The following COBLL1 variants were observed in gnomAD, a reference collection of about 807,000 sequenced individuals.
COBLL1 encodes the protein cordon-bleu protein-like 1.
A neutral mutation model predicts 94.8 loss-of-function variants in COBLL1; 50 were observed. The observed-to-expected ratio is 0.53, with a 90% CI of 0.42 to 0.67. The LOEUF (loss-of-function observed/expected upper bound fraction) is 0.67. Among genes scored for constraint, COBLL1 ranks in the 30% least tolerant of loss-of-function variants. The pLI is 0.00. For synonymous variants in COBLL1, 448 were observed against 473.8 expected, an observed-to-expected ratio of 0.95 and a Z score of 0.71; for missense variants, 1,362 against 1,348.7, an observed-to-expected ratio of 1.01 and a Z score of -0.15.
intron 2 of COBLL1, among the ~76,000 whole-genome samples, chr2:164,749,027 A>G (rs562448261): frequency 1.3e-5 from 2 of 152,186 alleles, no homozygotes; most frequent in Non-Finnish European, 2.9e-5. Context: ...ATTTTGATTT[A>G]CAGGGCACTC....
intron 12 of COBLL1, among the ~76,000 whole-genome samples, chr2:164,693,846 C>T (rs113966187): frequency 0.011 from 1,715 of 152,102 alleles, 22 homozygotes; most frequent in African/African-American, 0.032. Flanking sequence ...TTTTGTCTAG[C>T]CTCTCATACT....
At chr2:164,797,490 C>G (rs756659497) in intron 2 of COBLL1, among the ~76,000 whole-genome samples, 1 of 151,828 alleles carries the variant, frequency 6.6e-6, no homozygotes, top group African/African-American at 2.4e-5. Context: ...GAAAAAAAAA[C>G]CCTTAGGGTT....
At chr2:164,701,397 G>A (rs1016736281) in intron 9 of COBLL1, among the ~76,000 whole-genome samples, 1 of 152,104 alleles carries the variant, frequency 6.6e-6, no homozygotes, top group Non-Finnish European at 1.5e-5. Flanking sequence ...AGCAAGTATT[G>A]GACAATGAAA....
chr2:164,789,794 CA>C (rs1464140252), intron 2 of COBLL1, among the ~76,000 whole-genome samples: 2 of 152,128 alleles, frequency 1.3e-5, no homozygotes, highest in Admixed American at 1.3e-4. Flanking sequence ...CTTTAACGGA[CA>C]TTTTGAAAAT....
At chr2:164,725,928 G>A (rs146923414) in intron 5 of COBLL1, among the ~76,000 whole-genome samples, 1 of 152,156 alleles carries the variant, frequency 6.6e-6, no homozygotes, top group African/African-American at 2.4e-5. Flanking sequence ...TAATTGCATG[G>A]TAAGTTCTAA....
Position 164,694,308 on chromosome 2 carries a change from A to G in COBLL1, c.3084T>C (p.Asn1028=), listed in dbSNP as rs779660203. The part of the protein sequence containing the change: ...NTEEGKTHSV[N]KFVDIPQLGV... ...CAAGCTGTGGGATGTCCACAAATTT[A>G]TTTACAGAATGAGTCTTCCCTTCCT... Residue 1028 remains asparagine (N), a synonymous_variant, in exon 12 of 14, where the codon AAT becomes AAC. Coordinates refer to ENST00000652658, the MANE Select transcript of COBLL1 (RefSeq NM_001365672.2). 18 of 1,613,850 alleles carry G rather than the reference A, an allele frequency of 1.1e-5. 1 individual carries two copies. In the South Asian group the frequency reaches 2.0e-4, roughly 18 times the overall value.
chr2:164,715,849 A>G (rs1685137102), intron 7 of COBLL1, among the ~76,000 whole-genome samples: 1 of 152,104 alleles, frequency 6.6e-6, no homozygotes, highest in African/African-American at 2.4e-5. Context: ...TCCAGCCACA[A>G]TGTAATATCC....
intron 2 of COBLL1, among the ~76,000 whole-genome samples, chr2:164,811,622 T>C (rs760537678): frequency 1.3e-5 from 2 of 151,908 alleles, no homozygotes; most frequent in African/African-American, 2.4e-5. Flanking sequence ...TATTTTAAAA[T>C]GGTATTCTGA....
chr2:164,780,078 G>A (rs1309574876), intron 2 of COBLL1, among the ~76,000 whole-genome samples: 6 of 152,170 alleles, frequency 3.9e-5, no homozygotes, highest in African/African-American at 7.2e-5. Flanking sequence ...TTTACTAAAT[G>A]TGAGGCAGTC....
rs753557354 is a variant in COBLL1 at position 164,700,754 on chromosome 2, C to T, written c.1228G>A (p.Gly410Arg). The change falls in exon 10 of 14, where the codon GGA (glycine) becomes AGA (arginine). Residue 410 changes from glycine (G) to arginine (R), a missense_variant and splice_region_variant. Transcript: ENST00000652658. Reference protein sequence around the residue: ...NSPEELSSPAGISSDYSLEEI... With the variant: ...NSPEELSSPARISSDYSLEEI... Reference sequence around the variant, plus strand: ...TCAAGGCTATAATCAGAGCTTATTCCAGCTACAAAGAAATGCAGATATAAT... The same window carrying T: ...TCAAGGCTATAATCAGAGCTTATTCTAGCTACAAAGAAATGCAGATATAAT... 3 of 1,570,870 alleles carry T rather than the reference C, an allele frequency of 1.9e-6. No homozygotes were observed. The South Asian group carries it at 3.4e-5, about 18-fold the overall frequency.
At chr2:164,687,212 T>C (rs917934721) in intron 13 of COBLL1, 2 of 439,744 alleles carry the variant, frequency 4.5e-6, no homozygotes, top group African/African-American at 2.0e-5. Flanking sequence ...TGACTTTCTT[T>C]CTTTTTTTTT....
intron 5 of COBLL1, among the ~76,000 whole-genome samples, chr2:164,725,707 C>T (rs943303757): frequency 2.6e-5 from 4 of 152,190 alleles, no homozygotes; most frequent in African/African-American, 9.7e-5. Context: ...GTGTGAGCCA[C>T]CGTGCCTGGC....
intron 3 of COBLL1, among the ~76,000 whole-genome samples, chr2:164,730,710 T>C (rs1685964604): frequency 6.6e-6 from 1 of 152,188 alleles, no homozygotes; most frequent in African/African-American, 2.4e-5. Context: ...AGGAGTCCTT[T>C]CCTTACCCAA....
In COBLL1 at chr2:164,841,390, C is replaced by T. The variant is rs1683607253; in HGVS notation, c.-50-144G>A. 8.5e-7 allele frequency: 1 copy of T among 1,175,240 alleles called. No homozygotes were observed. Among genetic ancestry groups the T allele is most frequent in the Non-Finnish European group, 1.1e-6 (1 of 952,222 alleles). 72.8% of individuals were successfully genotyped at this position (1,175,240 alleles called of 1,614,324 possible). On this transcript the variant is annotated intron_variant, in intron 1 of 13. Transcript: ENST00000652658. The surrounding 1 kb of genome is among the most constrained non-coding windows in gnomAD (Gnocchi z 5.5). ...CGGGTGCGCTTCCACCTGCGGGCCC[C>T]GGCTCCCAGCCCGCGGGCGCCGCCG... is the stretch of plus-strand genomic sequence containing the variant.
At chr2:164,780,234 G>A (rs909732683) in intron 2 of COBLL1, among the ~76,000 whole-genome samples, 9 of 152,054 alleles carry the variant, frequency 5.9e-5, no homozygotes, top group Admixed American at 2.6e-4. Flanking sequence ...GGGGACTGTT[G>A]TAACCAAAGT....
At chr2:164,771,055 T>C (rs978315027) in intron 2 of COBLL1, among the ~76,000 whole-genome samples, 3 of 152,068 alleles carry the variant, frequency 2.0e-5, no homozygotes, top group Non-Finnish European at 4.4e-5. Flanking sequence ...ATGTTACTCT[T>C]ACAATATTTT....
intron 2 of COBLL1, among the ~76,000 whole-genome samples, chr2:164,744,475 G>A (rs1185568146): frequency 1.3e-5 from 2 of 151,958 alleles, no homozygotes; most frequent in Non-Finnish European, 2.9e-5. Flanking sequence ...TCTTTTGGGG[G>A]GTACCAGTTT....
intron 5 of COBLL1, among the ~76,000 whole-genome samples, chr2:164,726,887 T>C (rs1002353695): frequency 5.9e-5 from 9 of 152,114 alleles, no homozygotes; most frequent in Non-Finnish European, 1.2e-4. Flanking sequence ...GAATAATTTT[T>C]AAACATTTGT....
intron 2 of COBLL1, among the ~76,000 whole-genome samples, chr2:164,818,634 A>G (rs183031774): frequency 4.9e-4 from 70 of 141,952 alleles, no homozygotes; most frequent in Middle Eastern, 3.6e-3. Context: ...TATGGCGTAT[A>G]TGTACATATG....
Sources: allele counts gnomAD v4.1 joint callset (sites outside exome capture counted in the v4.1 genomes callset), GRCh38; gene constraint gnomAD v4.1.1; non-coding constraint Gnocchi (gnomAD v3.1); transcripts MANE v1.5; gene names NCBI Gene and HGNC (gene_info 2026-07-23, HGNC 2026-07-21).